Variants in ESRRB observed in about 807,000 individuals in gnomAD.
The protein encoded by ESRRB is steroid hormone receptor ERR2.
Under a neutral mutation model 46.0 loss-of-function variants are expected in ESRRB, and 16 were observed. The ratio of observed to expected loss-of-function variants is 0.35; its 90% CI spans 0.24 to 0.53. The LOEUF is 0.53. ESRRB is among the 20% of genes least tolerant of loss of function. The pLI is 0.93. For synonymous variants in ESRRB, 246 were observed against 259.6 expected, an observed-to-expected ratio of 0.95 and a Z score of 0.50; for missense variants, 488 against 607.4, an observed-to-expected ratio of 0.80 and a Z score of 2.07.
intron 1 of ESRRB, among the ~76,000 whole-genome samples, chr14:76,436,330 C>T (rs1187029485): frequency 6.6e-6 from 1 of 152,196 alleles, no homozygotes; most frequent in Non-Finnish European, 1.5e-5. Flanking sequence ...CATCAAGGCA[C>T]AGATCTGAAA....
chr14:76,315,720 C>G (rs1001687948), intron 1 of ESRRB, among the ~76,000 whole-genome samples: 1 of 152,190 alleles, frequency 6.6e-6, no homozygotes, highest in African/African-American at 2.4e-5. Context: ...GGATATTTTT[C>G]CTGAAAGTTG....
chr14:76,342,591 G>A (rs12431886), intron 1 of ESRRB, among the ~76,000 whole-genome samples: 28,322 of 152,206 alleles, frequency 0.19, 3,313 homozygotes, highest in Non-Finnish European at 0.26. Flanking sequence ...AGGAACGGGC[G>A]TGGCTGTCTG....
chr14:76,341,549 G>T (rs981332682), intron 1 of ESRRB, among the ~76,000 whole-genome samples: 1 of 152,218 alleles, frequency 6.6e-6, no homozygotes. Context: ...GGCCTCCAGG[G>T]TCTCAGGCCA....
rs940329025 is a variant in ESRRB, at chr14:76,413,094, C to T, written c.51-26247C>T. On this transcript the variant is annotated intron_variant, in intron 1 of 6. Transcript: ENST00000644823. ...GGGTTTCTTTGATGAGGAAAGTGAG[C>T]GGTGACCACCCTACCCAGACCCAGC... 8.5e-5 allele frequency among the ~76,000 whole-genome samples: 13 copies of T among 152,224 alleles called. No individual in the cohort carries two copies. In the South Asian group the frequency reaches 2.3e-3, roughly 27 times the overall value.
chr14:76,352,229 T>C (rs577621573), intron 1 of ESRRB, among the ~76,000 whole-genome samples: 4 of 152,306 alleles, frequency 2.6e-5, no homozygotes, highest in Admixed American at 2.6e-4. Context: ...CAAGTACACG[T>C]AATTTACACA....
intron 5 of ESRRB, among the ~76,000 whole-genome samples, chr14:76,486,612 G>C (rs979273205): frequency 2.6e-5 from 4 of 152,100 alleles, no homozygotes; most frequent in African/African-American, 9.7e-5. Flanking sequence ...ATCACGGATG[G>C]GGGGATGGGG....
At chr14:76,391,676 A>G (rs2139820470) in intron 1 of ESRRB, among the ~76,000 whole-genome samples, 1 of 152,336 alleles carries the variant, frequency 6.6e-6, no homozygotes, top group Non-Finnish European at 1.5e-5. Flanking sequence ...TGCAGCACAG[A>G]GTCAGTCATG....
intron 3 of ESRRB, among the ~76,000 whole-genome samples, chr14:76,471,629 C>A (rs1889377117): frequency 6.6e-6 from 1 of 152,230 alleles, no homozygotes; most frequent in African/African-American, 2.4e-5. Context: ...CCAAAGCTGG[C>A]TCCTTCTTAT....
At position 76,500,622 on chromosome 14, in the gene ESRRB, T is replaced by A. The variant is rs1181417274; in HGVS notation, c.*2164T>A. 6 of 1,538,752 alleles carry A rather than the reference T, an allele frequency of 3.9e-6. No individual in the cohort carries two copies. The highest frequency in any genetic ancestry group is 4.5e-6 in the Non-Finnish European group (5 of 1,112,830). ...CCGAGGTAGCACCCTGCTCTGTCAC[T>A]TCCTGCTCAAGCTGGAGGACCCAGG... On this transcript the variant is annotated 3_prime_UTR_variant, in exon 7 of 7. Coordinates refer to ENST00000644823, the MANE Select transcript of ESRRB (RefSeq NM_001379180.1).
intron 1 of ESRRB, among the ~76,000 whole-genome samples, chr14:76,323,365 A>G (rs1159600516): frequency 7.3e-6 from 1 of 137,392 alleles, no homozygotes; most frequent in African/African-American, 2.8e-5. Flanking sequence ...GCTGGAGTGG[A>G]GTGGTAGGAA....
At chr14:76,438,138 T>C (rs1887754647) in intron 1 of ESRRB, among the ~76,000 whole-genome samples, 2 of 152,160 alleles carry the variant, frequency 1.3e-5, no homozygotes, top group Middle Eastern at 3.4e-3. Flanking sequence ...GAGGGAGGGT[T>C]TGGGAGCCAC....
intron 5 of ESRRB, among the ~76,000 whole-genome samples, chr14:76,489,988 AG>A (rs1269213670): frequency 6.6e-6 from 1 of 152,234 alleles, no homozygotes; most frequent in Non-Finnish European, 1.5e-5. Flanking sequence ...AGAGGTGCCC[AG>A]CACTGTACAT....
intron 1 of ESRRB, among the ~76,000 whole-genome samples, chr14:76,346,139 A>T (rs1263042447): frequency 4.4e-4 from 67 of 152,146 alleles, no homozygotes; most frequent in Non-Finnish European, 1.5e-5. Context: ...ACAGGCAAAG[A>T]TCCTATTTGT....
chr14:76,486,788 C>G (rs906459783), intron 5 of ESRRB, among the ~76,000 whole-genome samples: 1 of 152,152 alleles, frequency 6.6e-6, no homozygotes, highest in Non-Finnish European at 1.5e-5. Context: ...CAGGGACACC[C>G]CTGCACTCCC....
intron 1 of ESRRB, among the ~76,000 whole-genome samples, chr14:76,387,192 T>C (rs904996629): frequency 2.6e-5 from 4 of 152,198 alleles, no homozygotes. Flanking sequence ...AGAGCATGGA[T>C]GAACCGGGTC....
chr14:76,456,038 GCACACA>G (rs60824171), intron 2 of ESRRB, among the ~76,000 whole-genome samples: 24,151 of 137,154 alleles, frequency 0.18, 2,064 homozygotes, highest in Middle Eastern at 0.22. Context: ...AGCGAAACTC[GCACACA>G]CACACACACA....
At chr14:76,354,229 C>A (rs1884349885) in intron 1 of ESRRB, among the ~76,000 whole-genome samples, 1 of 98,938 alleles carries the variant, frequency 1.0e-5, no homozygotes, top group African/African-American at 4.4e-5. Context: ...TACCCGCCCC[C>A]CCCCCCACCC....
chr14:76,339,349 T>A (rs1218266775), intron 1 of ESRRB, among the ~76,000 whole-genome samples: 2 of 152,158 alleles, frequency 1.3e-5, no homozygotes, highest in Non-Finnish European at 2.9e-5. Flanking sequence ...TTTGTAGGAT[T>A]TGTTGTGAGG....
chr14:76,382,358 C>T (rs1885051049), intron 1 of ESRRB, among the ~76,000 whole-genome samples: 1 of 152,216 alleles, frequency 6.6e-6, no homozygotes, highest in South Asian at 2.1e-4. Context: ...GCAGGGGCAC[C>T]TGCTAGGTGG....
Sources: allele counts gnomAD v4.1 joint callset (sites outside exome capture counted in the v4.1 genomes callset), GRCh38; gene constraint gnomAD v4.1.1; transcripts MANE v1.5; gene names NCBI Gene and HGNC (gene_info 2026-07-23, HGNC 2026-07-21).